RSRC2: variants seen among roughly 807,000 people sequenced by gnomAD.
RSRC2 encodes the protein arginine and serine rich coiled-coil 2, also known as arginine/serine-rich coiled-coil protein 2.
A neutral mutation model predicts 61.3 loss-of-function variants in RSRC2; 5 were observed. That is an observed-to-expected ratio of 0.08 (90% CI 0.04 to 0.17). The LOEUF (loss-of-function observed/expected upper bound fraction) is 0.17. RSRC2 is among the 10% of genes least tolerant of loss of function. RSRC2 has a pLI of 1.00. For missense variants in RSRC2, 381 were observed against 518.8 expected (o/e 0.73, Z 2.58); for synonymous variants, 202 against 166.5 (o/e 1.21, Z -1.64).
At chr12:122,517,119 A>G (rs1044734195) in intron 5 of RSRC2, 108 bp downstream of exon 5, 1 of 1,495,926 alleles carries the variant, frequency 6.7e-7, no homozygotes, top group African/African-American at 1.4e-5. Context: ...TTTTACCATA[A>G]TCTATAAATA....
chr12:122,521,949 TGA>T lies in RSRC2; in HGVS notation c.163+192_163+193del, dbSNP rs529738455. The stretch of plus-strand genomic sequence containing the variant: ...CCAGCAGATGGAGGTTGCATTGGGC[TGA>T]GAGTGTGTCAATTTTTGTATTTTTG... On this transcript the variant is annotated intron_variant, in intron 2 of 9. Coordinates refer to ENST00000331738, the MANE Select transcript of RSRC2 (RefSeq NM_023012.6). Among the ~76,000 whole-genome samples the T allele has an allele frequency of 2.8e-3, 431 of 152,318 alleles. 2 individuals carry two copies. The highest frequency in any genetic ancestry group is 4.5e-3 in the Non-Finnish European group (309 of 68,034).
At position 122,518,864 on chromosome 12, in the gene RSRC2, G is replaced by A; in HGVS notation, c.373C>T (p.His125Tyr). ...CTTTCACGAGACCTAGATCTTGAGTGACTTCTGCCTCTTGATGACTTTCTT... is the reference window on the plus strand; with the variant it reads ...CTTTCACGAGACCTAGATCTTGAGTAACTTCTGCCTCTTGATGACTTTCTT... ...KERKSSRGRSHSRSRSRERRH... is the reference protein window; with the variant it reads ...KERKSSRGRSYSRSRSRERRH... Residue 125 changes from histidine to tyrosine, a missense_variant, in exon 4 of 10, where the codon CAC (histidine) becomes TAC (tyrosine). Around this residue, in one of 4 missense-constraint regions of RSRC2, gnomAD observed 266 missense variants for 270.5 expected, o/e 0.98. Transcript: ENST00000331738. 6.2e-7 allele frequency: 1 copy of A among 1,614,022 alleles called. No homozygotes were observed. Among genetic ancestry groups the A allele is most frequent in the Non-Finnish European group, 8.5e-7 (1 of 1,179,940 alleles).
At chr12:122,513,700 A>C in intron 6 of RSRC2, 1 of 630,838 alleles carries the variant, frequency 1.6e-6, no homozygotes, top group Middle Eastern at 7.9e-4. Context: ...GTTGCATTAA[A>C]ATGGCCATTG....
chr12:122,524,901 T>C (rs770632074), intron 1 of RSRC2, among the ~76,000 whole-genome samples: 1 of 152,194 alleles, frequency 6.6e-6, no homozygotes, highest in Non-Finnish European at 1.5e-5. Context: ...GGTAGCCACT[T>C]TGGTTTCTTA....
In RSRC2 at chr12:122,518,891, C is replaced by G; in HGVS notation, c.346G>C (p.Glu116Gln). 6.2e-7 allele frequency: 1 copy of G among 1,614,100 alleles called. No homozygotes were observed. Among genetic ancestry groups the G allele is most frequent in the Non-Finnish European group, 8.5e-7 (1 of 1,180,014 alleles). ...ENGEDRHKRK[E>Q]RKSSRGRSHS... ...CTTCTGCCTCTTGATGACTTTCTTT[C>G]TTTGCGTTTGTGCCTGTCCTCACCA... Residue 116 changes from glutamate (E) to glutamine (Q), a missense_variant, in exon 4 of 10, where the codon GAA (glutamate) becomes CAA (glutamine). Coordinates refer to ENST00000331738, the MANE Select transcript of RSRC2 (RefSeq NM_023012.6).
At chr12:122,515,346 C>T (rs1958825157) in intron 5 of RSRC2, 119 bp from the exon 6 acceptor site, 9 of 949,328 alleles carry the variant, frequency 9.5e-6, no homozygotes, top group African/African-American at 1.6e-5. Context: ...GTTTGAGATG[C>T]AAAAGATTTA....
intron 7 of RSRC2, 133 bp from the exon 8 acceptor site, chr12:122,508,580 T>C (rs1352559250): frequency 1.3e-5 from 9 of 673,168 alleles, no homozygotes; most frequent in Non-Finnish European, 2.3e-5. Flanking sequence ...TCCAAGGAAA[T>C]GACTGAGTAT....
chr12:122,516,285 A>G (rs949003902), intron 5 of RSRC2, among the ~76,000 whole-genome samples: 2 of 152,206 alleles, frequency 1.3e-5, no homozygotes, highest in Non-Finnish European at 2.9e-5. Context: ...TCATTGAAGA[A>G]TATTTATAAT....
intron 3 of RSRC2, chr12:122,520,614 G>A (rs1454346552): frequency 1.5e-6 from 2 of 1,316,062 alleles, no homozygotes; most frequent in African/African-American, 1.5e-5. Context: ...ATGTTATCAT[G>A]TGAGCTAAAC....
chr12:122,514,436 T>C (rs1851761015), intron 6 of RSRC2: 1 of 226,706 alleles, frequency 4.4e-6, no homozygotes, highest in Non-Finnish European at 7.3e-6. Context: ...AGCTAATTTT[T>C]GTATTTTTAG....
intron 5 of RSRC2, among the ~76,000 whole-genome samples, chr12:122,516,230 G>C (rs538960964): frequency 6.6e-6 from 1 of 152,094 alleles, no homozygotes; most frequent in Admixed American, 6.6e-5. Flanking sequence ...ATTTACAAAA[G>C]TCAGTATACT....
intron 3 of RSRC2, chr12:122,521,118 C>T: frequency 2.8e-6 from 1 of 362,610 alleles, no homozygotes; most frequent in Non-Finnish European, 5.0e-6. Flanking sequence ...TGTGACAGGC[C>T]TAAAAAAACC....
rs1007612673 is a variant in RSRC2 at position 122,504,107 on chromosome 12, A to G, written c.*1420T>C. ...ATTTTCATGTATAAAAAAAATACCTAATGAGCAAGTTGGCAAGACTTAATT... is the reference window on the plus strand; with the variant it reads ...ATTTTCATGTATAAAAAAAATACCTGATGAGCAAGTTGGCAAGACTTAATT... On this transcript the variant is annotated 3_prime_UTR_variant, in exon 10 of 10. Coordinates refer to ENST00000331738, the MANE Select transcript of RSRC2 (RefSeq NM_023012.6). 2.0e-5 allele frequency: 3 copies of G among 152,118 alleles called. No individual in the cohort carries two copies. The highest frequency in any genetic ancestry group is 4.4e-5 in the Non-Finnish European group (3 of 68,024). 9.4% of individuals were successfully genotyped at this position (152,118 alleles called of 1,614,324 possible).
chr12:122,506,472 G>A (rs75962168), intron 9 of RSRC2: 5 of 185,018 alleles, frequency 2.7e-5, no homozygotes, highest in Middle Eastern at 2.3e-3. Context: ...GAGGCTGGGC[G>A]CAGTGGCTCA....
intron 7 of RSRC2, among the ~76,000 whole-genome samples, chr12:122,510,699 T>C (rs1053572445): frequency 1.3e-5 from 2 of 152,200 alleles, no homozygotes; most frequent in Non-Finnish European, 2.9e-5. Flanking sequence ...GTAGGAATCA[T>C]AGGTGATTTT....
In RSRC2 at chr12:122,515,074, C is replaced by T. The variant is rs770629356; in HGVS notation, c.725+31G>A. ...AATTGAGCATTTATTTAAAGGCGAA[C>T]TGGAACAAATGAATTAAGAAATATA... On this transcript the variant is annotated intron_variant, in intron 6 of 9. Transcript: ENST00000331738. 6 of 1,601,286 alleles carry T rather than the reference C, an allele frequency of 3.7e-6. No homozygotes were observed. The Admixed American group carries it at 7.0e-5, about 19-fold the overall frequency.
intron 2 of RSRC2, 30 bp downstream of exon 2, chr12:122,522,111 TGA>T: frequency 3.8e-6 from 6 of 1,586,368 alleles, no homozygotes; most frequent in Non-Finnish European, 5.1e-6. Context: ...ATACAAATGC[TGA>T]GAGTTGTAAC....
At chr12:122,526,627 T>TCTC (rs1593448525) in intron 1 of RSRC2, among the ~76,000 whole-genome samples, 1 of 151,632 alleles carries the variant, frequency 6.6e-6, no homozygotes, top group Non-Finnish European at 1.5e-5. Context: ...GGAGGAAAGT[T>TCTC]CTGGAAAAAA....
At chr12:122,510,995 G>A (rs897408647) in intron 7 of RSRC2, 114 bp downstream of exon 7, 10 of 702,778 alleles carry the variant, frequency 1.4e-5, no homozygotes, top group Admixed American at 1.4e-4. Flanking sequence ...GCTACCATGC[G>A]CTATGCTGGA....
Sources: gnomAD v4.1 joint callset for allele counts (sites outside exome capture counted in the v4.1 genomes callset) on GRCh38, gnomAD v4.1.1 for gene constraint, gnomAD v4.1.1 regional missense constraint, MANE v1.5 for transcripts, NCBI Gene and HGNC (gene_info 2026-07-23, HGNC 2026-07-21) for gene names.